RAI1: variants seen among roughly 807,000 people sequenced by gnomAD.
The protein encoded by RAI1 is retinoic acid induced 1.
In RAI1, 9 loss-of-function variants were observed where a neutral mutation model predicts 123.8. That is an observed-to-expected ratio of 0.07 (90% CI 0.04 to 0.13). RAI1 has a LOEUF of 0.13. Among genes scored for constraint, RAI1 ranks in the 10% least tolerant of loss-of-function variants. The pLI is 1.00. For synonymous variants in RAI1, 1,231 were observed against 1,127.3 expected (o/e 1.09, Z -1.84); for missense variants, 2,256 against 2,545.8 (o/e 0.89, Z 2.45).
intron 2 of RAI1, among the ~76,000 whole-genome samples, chr17:17,754,281 C>CAGG (rs2030340262): frequency 6.7e-6 from 1 of 149,704 alleles, no homozygotes; most frequent in South Asian, 2.1e-4. Flanking sequence ...CTCGGCTCAC[C>CAGG]GCAACCTCCG....
At chr17:17,703,281 G>T (rs1485505464) in intron 1 of RAI1, among the ~76,000 whole-genome samples, 2 of 152,190 alleles carry the variant, frequency 1.3e-5, no homozygotes, top group Non-Finnish European at 2.9e-5. Context: ...GCCCCCTACT[G>T]CCCCGCTGGG....
intron 1 of RAI1, among the ~76,000 whole-genome samples, chr17:17,717,716 T>G (rs1413535657): frequency 6.6e-6 from 1 of 152,112 alleles, no homozygotes; most frequent in Non-Finnish European, 1.5e-5. Flanking sequence ...TCTTTTAAGT[T>G]CAGCAGATTT....
intron 1 of RAI1, among the ~76,000 whole-genome samples, chr17:17,709,160 A>AGTGTGG (rs1429673342): frequency 6.6e-6 from 1 of 152,124 alleles, no homozygotes. Context: ...TGGAGGGCCT[A>AGTGTGG]GTGTGCCGGG....
chr17:17,795,721 G>A lies in RAI1; in HGVS notation c.2773G>A (p.Val925Ile), dbSNP rs148043760. 16 of 1,613,236 alleles carry A rather than the reference G, an allele frequency of 9.9e-6. No homozygotes were observed. The highest frequency in any genetic ancestry group is 6.6e-5 in the South Asian group (6 of 91,090). ...GSPCHLSGES[V>I]ILLGPTVGTE... is the part of the protein sequence containing the mutation. ...TCCGTGCCACCTCTCAGGGGAGTCC[G>A]TCATCCTGCTGGGCCCTACAGTGGG... The change falls in exon 3 of 6, where the codon GTC (valine) becomes ATC (isoleucine). Residue 925 changes from valine (V) to isoleucine (I), a missense_variant. Around this residue, in one of 7 missense-constraint regions of RAI1, gnomAD observed 566 missense variants for 616.0 expected, o/e 0.92. Coordinates refer to ENST00000353383, the MANE Select transcript of RAI1 (RefSeq NM_030665.4). This position sits in a 1 kb window ranked among gnomAD's most constrained non-coding sequence, Gnocchi z 5.9.
chr17:17,763,699 C>G (rs944506612), intron 2 of RAI1, among the ~76,000 whole-genome samples: 21 of 152,214 alleles, frequency 1.4e-4, no homozygotes, highest in African/African-American at 5.1e-4. Flanking sequence ...GACTCATAGT[C>G]AGAATGTTTC....
chr17:17,784,258 C>T (rs576045144), intron 2 of RAI1, among the ~76,000 whole-genome samples: 1 of 152,184 alleles, frequency 6.6e-6, no homozygotes, highest in South Asian at 2.1e-4. Context: ...TGCTGTGCCT[C>T]CCCGGCTGTC....
At chr17:17,691,670 TC>T (rs1914841432) in intron 1 of RAI1, among the ~76,000 whole-genome samples, 1 of 152,042 alleles carries the variant, frequency 6.6e-6, no homozygotes, top group Non-Finnish European at 1.5e-5. Context: ...AGGCCTGGCC[TC>T]GGGGGGCCCA....
chr17:17,764,139 C>T (rs2030820139), intron 2 of RAI1, among the ~76,000 whole-genome samples: 1 of 152,208 alleles, frequency 6.6e-6, no homozygotes, highest in African/African-American at 2.4e-5. Context: ...CGACACTGAC[C>T]ACAAAGACCA....
At chr17:17,686,120 C>A (rs1598010166) in intron 1 of RAI1, among the ~76,000 whole-genome samples, 1 of 152,370 alleles carries the variant, frequency 6.6e-6, no homozygotes, top group East Asian at 1.9e-4. Context: ...CTTGCTCTCT[C>A]CGGCCCAGTG....
At chr17:17,717,309 A>G (rs916622048) in intron 1 of RAI1, among the ~76,000 whole-genome samples, 3 of 152,134 alleles carry the variant, frequency 2.0e-5, no homozygotes, top group Non-Finnish European at 2.9e-5. Flanking sequence ...AGCGCCTGTG[A>G]GTCCTGCTAC....
intron 1 of RAI1, among the ~76,000 whole-genome samples, chr17:17,693,445 G>A (rs2142870143): frequency 6.6e-6 from 1 of 152,332 alleles, no homozygotes; most frequent in African/African-American, 2.4e-5. Flanking sequence ...CCGTGCCCCA[G>A]GCATCTTTCT....
chr17:17,764,590 G>A (rs1156812452), intron 2 of RAI1, among the ~76,000 whole-genome samples: 2 of 151,390 alleles, frequency 1.3e-5, no homozygotes, highest in East Asian at 1.9e-4. Flanking sequence ...CTCGTGCCTC[G>A]GCCTCACAAG....
At chr17:17,684,502 T>C (rs1041229870) in intron 1 of RAI1, 6 of 151,724 alleles carry the variant, frequency 4.0e-5, no homozygotes, top group Non-Finnish European at 8.8e-5. Flanking sequence ...CCCTAATAAT[T>C]CCTCTCATGT....
At chr17:17,752,960 CCATT>C (rs2030273594) in intron 2 of RAI1, among the ~76,000 whole-genome samples, 1 of 152,368 alleles carries the variant, frequency 6.6e-6, no homozygotes, top group Non-Finnish European at 1.5e-5. Context: ...TTGAATGCCT[CCATT>C]CATCAGGTTG....
chr17:17,733,642 C>G (rs1054431866), intron 2 of RAI1, among the ~76,000 whole-genome samples: 9 of 152,202 alleles, frequency 5.9e-5, no homozygotes, highest in Admixed American at 1.3e-4. Flanking sequence ...ATTCCGACTC[C>G]TGACTCCCAG....
intron 1 of RAI1, chr17:17,683,988 A>G (rs1045071542): frequency 6.6e-6 from 1 of 152,150 alleles, no homozygotes; most frequent in African/African-American, 2.4e-5. Flanking sequence ...ATCCTCCAGC[A>G]TCAGTCTCCT....
chr17:17,719,066 G>A (rs932926636), intron 1 of RAI1, among the ~76,000 whole-genome samples: 1 of 152,022 alleles, frequency 6.6e-6, no homozygotes, highest in East Asian at 1.9e-4. Flanking sequence ...CCTTCTCATC[G>A]GCCCCACCCT....
At chr17:17,694,712 C>T (rs1487633757) in intron 1 of RAI1, among the ~76,000 whole-genome samples, 1 of 150,810 alleles carries the variant, frequency 6.6e-6, no homozygotes, top group Non-Finnish European at 1.5e-5. Flanking sequence ...GCGACGCCGA[C>T]GCCGGGAGGG....
At chr17:17,792,379 G>T (rs866238659) in intron 2 of RAI1, among the ~76,000 whole-genome samples, 1 of 152,172 alleles carries the variant, frequency 6.6e-6, no homozygotes, top group Non-Finnish European at 1.5e-5. Context: ...ACGCATGTGC[G>T]TGGGGACAGG....
Sources: allele counts gnomAD v4.1 joint callset (sites outside exome capture counted in the v4.1 genomes callset), GRCh38; gene constraint gnomAD v4.1.1; regional missense constraint gnomAD v4.1.1; non-coding constraint Gnocchi (gnomAD v3.1); transcripts MANE v1.5; gene names NCBI Gene and HGNC (gene_info 2026-07-23, HGNC 2026-07-21).